TRAPPC14: variants seen among roughly 807,000 people sequenced by gnomAD.
TRAPPC14 encodes the protein trafficking protein particle complex subunit 14.
A neutral mutation model predicts 56.6 loss-of-function variants in TRAPPC14; 24 were observed. The observed-to-expected ratio is 0.42, with a 90% CI of 0.31 to 0.60. The LOEUF is 0.60. Among genes scored for constraint, TRAPPC14 ranks in the 20% least tolerant of loss-of-function variants. The pLI is 0.14. For missense variants in TRAPPC14, 615 were observed against 790.3 expected (o/e 0.78, Z 2.66); for synonymous variants, 377 against 347.0 (o/e 1.09, Z -0.96).
At position 100,154,997 on chromosome 7, in the gene TRAPPC14, G is replaced by A; in HGVS notation, c.*14C>T. On this transcript the variant is annotated 3_prime_UTR_variant, in exon 11 of 11. Coordinates refer to ENST00000316937, the MANE Select transcript of TRAPPC14 (RefSeq NM_018275.5). ...GGTCTCTGGAGTGTAAGAGGGAACA[G>A]AGCTGGCACGGTGCTACTTGACGGG... 6.2e-7 allele frequency: 1 copy of A among 1,614,058 alleles called. No homozygotes were observed. The highest frequency in any genetic ancestry group is 8.5e-7 in the Non-Finnish European group (1 of 1,179,898).
rs1798894984 is a variant in TRAPPC14 at position 100,157,003 on chromosome 7, A to G, written c.846-11T>C. The G allele has an allele frequency of 6.2e-7, 1 of 1,614,040 alleles. No individual in the cohort carries two copies. The highest frequency in any genetic ancestry group is 8.5e-7 in the Non-Finnish European group (1 of 1,179,974). On this transcript the variant is annotated splice_polypyrimidine_tract_variant and intron_variant, in intron 5 of 10. Coordinates refer to ENST00000316937, the MANE Select transcript of TRAPPC14 (RefSeq NM_018275.5). ...TCCCCAGACTGGTGACTAGCTCAGAAAAGAGGACAAGGCATGGTCTCCCCA... is the reference window on the plus strand; with the variant it reads ...TCCCCAGACTGGTGACTAGCTCAGAGAAGAGGACAAGGCATGGTCTCCCCA...
Position 100,158,554 on chromosome 7 carries a change from G to T in TRAPPC14, c.-55C>A. The T allele has an allele frequency of 7.7e-7, 1 of 1,307,126 alleles. No homozygotes were observed. Among genetic ancestry groups the T allele is most frequent in the South Asian group, 2.2e-5 (1 of 45,068 alleles). The allele number at this position is 1,307,126 out of a possible 1,614,324, so 81.0% of individuals were successfully genotyped here. ...CCGGACCGGAGGCCGACCGCCGGCG[G>T]GGCCCGCTAGGGTGGGTCCAGAGGG... On this transcript the variant is annotated 5_prime_UTR_variant, in exon 1 of 11. Coordinates refer to ENST00000316937, the MANE Select transcript of TRAPPC14 (RefSeq NM_018275.5).
rs781542777 is a variant in TRAPPC14 at position 100,157,076 on chromosome 7, C to T, written c.845+18G>A. ...CCATCCCCACCACTTCACAGCCTCG[C>T]CCCTCCCAGGACCTCACCAGACATT... On this transcript the variant is annotated intron_variant, in intron 5 of 10. Transcript: ENST00000316937. 2 of 1,613,968 alleles carry T rather than the reference C, an allele frequency of 1.2e-6. No individual in the cohort carries two copies. The highest frequency in any genetic ancestry group is 2.7e-5 in the African/African-American group (2 of 74,930).
chr7:100,157,133 A>G lies in TRAPPC14; in HGVS notation c.806T>C (p.Val269Ala), dbSNP rs763638084. ...CAGCAGCACAGAGCCATCGGGCATG[A>G]CAGGTAGATAACTGGCGTTGAAGTT... Reference protein sequence around the residue: ...LPNFNASYLPVMPDGSVLLVD... With the variant: ...LPNFNASYLPAMPDGSVLLVD... Residue 269 changes from valine to alanine, a missense_variant, in exon 5 of 11, where the codon GTC becomes GCC. By Grantham distance (64) the Val-to-Ala change is moderately conservative. Transcript: ENST00000316937. The G allele has an allele frequency of 6.2e-7, 1 of 1,614,198 alleles. No homozygotes were observed. The highest frequency in any genetic ancestry group is 1.7e-5 in the Admixed American group (1 of 60,016).
At position 100,155,144 on chromosome 7, in the gene TRAPPC14, C is replaced by T. The variant is rs199570229; in HGVS notation, c.1610G>A (p.Arg537His). 1.1e-5 allele frequency: 18 copies of T among 1,611,752 alleles called. No homozygotes were observed. The highest frequency in any genetic ancestry group is 2.2e-5 in the East Asian group (1 of 44,884). ...HLMRSGSVME[R>H]RAITPPVASP... ...GGCCACAGGGGGCGTGATGGCTCTG[C>T]GCTCCATCACACTGCCCGACCTGGG... Residue 537 changes from arginine (R) to histidine (H), a missense_variant, in exon 11 of 11, where the codon CGC becomes CAC. Transcript: ENST00000316937.
chr7:100,156,345 C>A (rs1018117011), intron 8 of TRAPPC14, 41 bp downstream of exon 8: 2 of 1,604,272 alleles, frequency 1.2e-6, no homozygotes, highest in Admixed American at 1.7e-5. Flanking sequence ...CTTTCTCTTC[C>A]CCTCCCTGGG....
Position 100,157,683 on chromosome 7 carries a change from C to G in TRAPPC14, c.587G>C (p.Arg196Pro). Residue 196 changes from arginine (R) to proline (P), a missense_variant, in exon 3 of 11, where the codon CGA becomes CCA. Physicochemically the swap from Arg to Pro is moderately radical, Grantham distance 103. Coordinates refer to ENST00000316937, the MANE Select transcript of TRAPPC14 (RefSeq NM_018275.5). ...GCCCCGGAATGTCTCCCCAGGAGAT[C>G]GGGTCTGCAGCAATCGCAGGTAGCC... ...DQGYLRLLQT[R>P]SPGETFRGEQ... 1 of 1,614,216 alleles carries G rather than the reference C, an allele frequency of 6.2e-7. No individual in the cohort carries two copies. Among genetic ancestry groups the G allele is most frequent in the East Asian group, 2.2e-5 (1 of 44,886 alleles).
Position 100,156,429 on chromosome 7 carries a change from GA to G in TRAPPC14, c.1196del (p.Phe399SerfsTer4). 1 of 1,614,202 alleles carries G rather than the reference GA, an allele frequency of 6.2e-7. No homozygotes were observed. The highest frequency in any genetic ancestry group is 8.5e-7 in the Non-Finnish European group (1 of 1,180,030). On this transcript the variant is annotated frameshift_variant, in exon 8 of 11. Coordinates refer to ENST00000316937, the MANE Select transcript of TRAPPC14 (RefSeq NM_018275.5). LOFTEE classifies it high-confidence loss of function. ...GGGTCCACACGAGCCTCACAGCAAGGAAGTCTTGGAGATTGTTAAGCAGCGT... is the reference window on the plus strand; with the variant it reads ...GGGTCCACACGAGCCTCACAGCAAGGAGTCTTGGAGATTGTTAAGCAGCGT... ...TYTLLNNLQDFLAVRLVWTPE... is the reference protein window; with the variant it reads ...TYTLLNNLQDXLAVRLVWTPE...
Position 100,155,414 on chromosome 7 carries a change from G to A in TRAPPC14, c.1437C>T (p.Ser479=), listed in dbSNP as rs980701374. ...GGGCCTCGGGTGGAGGGTGGGACAC[G>A]CTGGCGGTGAACTGCAGCTTCAGTT... is the stretch of plus-strand genomic sequence containing the variant. The part of the protein sequence containing the change: ...HMKLKLQFTA[S]VSHPPPEARP... The change falls in exon 10 of 11, where the codon AGC becomes AGT. Residue 479 remains serine (S), a synonymous_variant. Coordinates refer to ENST00000316937, the MANE Select transcript of TRAPPC14 (RefSeq NM_018275.5). 9.7e-6 allele frequency: 15 copies of A among 1,538,548 alleles called. No homozygotes were observed. Among genetic ancestry groups the A allele is most frequent in the East Asian group, 2.4e-5 (1 of 40,926 alleles).
In TRAPPC14 at chr7:100,156,967, C is replaced by T; in HGVS notation, c.871G>A (p.Gly291Ser). 2 of 1,613,982 alleles carry T rather than the reference C, an allele frequency of 1.2e-6. No homozygotes were observed. The highest frequency in any genetic ancestry group is 1.7e-6 in the Non-Finnish European group (2 of 1,180,004). ...VCHQSGEVSM[G>S]SFCRLPGTSG... ...GTCCCGGGTAGGCGGCAGAAGGAGC[C>T]CATGGAGACTTCCCCAGACTGGTGA... The change falls in exon 6 of 11, where the codon GGC becomes AGC. Residue 291 changes from glycine (G) to serine (S), a missense_variant. Physicochemically the swap from Gly to Ser is moderately conservative, Grantham distance 56 (BLOSUM62 0). Coordinates refer to ENST00000316937, the MANE Select transcript of TRAPPC14 (RefSeq NM_018275.5).
In TRAPPC14 at chr7:100,154,429, C is replaced by T. The variant is rs1359089531; in HGVS notation, c.*582G>A. 1 of 184,728 alleles carries T rather than the reference C, an allele frequency of 5.4e-6. No homozygotes were observed. Among genetic ancestry groups the T allele is most frequent in the Non-Finnish European group, 1.2e-5 (1 of 86,732 alleles). 11.4% of individuals were successfully genotyped at this position (184,728 alleles called of 1,614,324 possible). ...CACAAACTAGTCATCCTTCTCCCTCCTGAACAGGCATTTAATAGTCTTATT... is the reference window on the plus strand; with the variant it reads ...CACAAACTAGTCATCCTTCTCCCTCTTGAACAGGCATTTAATAGTCTTATT... On this transcript the variant is annotated 3_prime_UTR_variant, in exon 11 of 11. Coordinates refer to ENST00000316937, the MANE Select transcript of TRAPPC14 (RefSeq NM_018275.5).
Position 100,158,185 on chromosome 7 carries a change from T to G in TRAPPC14, c.315A>C (p.Pro105=). 1 of 1,454,836 alleles carries G rather than the reference T, an allele frequency of 6.9e-7. No individual in the cohort carries two copies. Among genetic ancestry groups the G allele is most frequent in the East Asian group, 2.7e-5 (1 of 36,894 alleles). 90.1% of individuals were successfully genotyped at this position (1,454,836 alleles called of 1,614,324 possible). ...CCCCACCCCCAGGATCCCCTCCCCC[T>G]GGGGGCTCCGAATCCTGGTCGCCGG... is the stretch of plus-strand genomic sequence containing the variant. ...GGAGDQDSEP[P]GGGDPGGGGL... is the part of the protein sequence containing the mutation. Residue 105 remains proline (P), a synonymous_variant, in exon 1 of 11, where the codon CCA becomes CCC. Coordinates refer to ENST00000316937, the MANE Select transcript of TRAPPC14 (RefSeq NM_018275.5).
At position 100,158,477 on chromosome 7, in the gene TRAPPC14, G is replaced by A. The variant is rs1196688962; in HGVS notation, c.23C>T (p.Ser8Leu). The A allele has an allele frequency of 7.3e-7, 1 of 1,362,552 alleles. No homozygotes were observed. 84.4% of individuals were successfully genotyped at this position (1,362,552 alleles called of 1,614,324 possible). A position where few individuals can be genotyped will look rare whatever the true frequency, so the allele number is the denominator to read the frequency against. The change falls in exon 1 of 11, where the codon TCG becomes TTG. Residue 8 changes from serine to leucine, a missense_variant. Transcript: ENST00000316937. MESQCDY[S>L]MYFPAVPLPP... Reference sequence around the variant, plus strand: ...CAGCGGCACGGCCGGGAAGTACATCGAGTAGTCGCACTGGGACTCCATGGG... The same window carrying A: ...CAGCGGCACGGCCGGGAAGTACATCAAGTAGTCGCACTGGGACTCCATGGG...
rs1360548567 is a variant in TRAPPC14 at position 100,155,143 on chromosome 7, G to A, written c.1611C>T (p.Arg537=). ...AGGCCACAGGGGGCGTGATGGCTCT[G>A]CGCTCCATCACACTGCCCGACCTGG... ...HLMRSGSVME[R]RAITPPVASP... Residue 537 remains arginine (R), a synonymous_variant, in exon 11 of 11, where the codon CGC becomes CGT. Transcript: ENST00000316937. 1.9e-5 allele frequency: 30 copies of A among 1,612,430 alleles called. No individual in the cohort carries two copies. In the East Asian group the frequency reaches 6.7e-4, roughly 36 times the overall value.
rs564676433 is a variant in TRAPPC14, at chr7:100,157,074, C to T, written c.845+20G>A. ...AGCCATCCCCACCACTTCACAGCCT[C>T]GCCCCTCCCAGGACCTCACCAGACA... On this transcript the variant is annotated intron_variant, in intron 5 of 10. Coordinates refer to ENST00000316937, the MANE Select transcript of TRAPPC14 (RefSeq NM_018275.5). 1.8e-5 allele frequency: 29 copies of T among 1,614,028 alleles called. No homozygotes were observed. The highest frequency in any genetic ancestry group is 6.7e-5 in the East Asian group (3 of 44,886).
Position 100,155,065 on chromosome 7 carries a change from C to G in TRAPPC14, c.1689G>C (p.Leu563=), listed in dbSNP as rs770588476. 12 of 1,613,976 alleles carry G rather than the reference C, an allele frequency of 7.4e-6. No individual in the cohort carries two copies. Among genetic ancestry groups the G allele is most frequent in the Non-Finnish European group, 8.5e-6 (10 of 1,179,980 alleles). The change falls in exon 11 of 11, where the codon CTG becomes CTC. Residue 563 remains leucine, a synonymous_variant. Coordinates refer to ENST00000316937, the MANE Select transcript of TRAPPC14 (RefSeq NM_018275.5). ...YLPPDKAVLS[L]DKIAKRECKV... is the part of the protein sequence containing the mutation. ...TGCACTCGCGCTTGGCAATCTTGTC[C>G]AGAGACAACACAGCCTTGTCCGGGG...
At position 100,156,204 on chromosome 7, in the gene TRAPPC14, A is replaced by C. The variant is rs1798877075; in HGVS notation, c.1240+182T>G. On this transcript the variant is annotated intron_variant, in intron 8 of 10. Coordinates refer to ENST00000316937, the MANE Select transcript of TRAPPC14 (RefSeq NM_018275.5). Reference sequence around the variant, plus strand: ...AGTCACTCTGCCCCACTGCCTCTCTAAACTCTCCATCTAGGACACTGGGGA... The same window carrying C: ...AGTCACTCTGCCCCACTGCCTCTCTCAACTCTCCATCTAGGACACTGGGGA... 3 of 633,514 alleles carry C rather than the reference A, an allele frequency of 4.7e-6. No individual in the cohort carries two copies. The South Asian group carries it at 5.7e-5, about 12-fold the overall frequency. The allele number at this position is 633,514 out of a possible 1,614,324, so 39.2% of individuals were successfully genotyped here.
intron 8 of TRAPPC14, chr7:100,156,027 T>C (rs2116959076): frequency 1.3e-6 from 1 of 760,454 alleles, no homozygotes; most frequent in Non-Finnish European, 2.3e-6. Flanking sequence ...AGTATCTGCA[T>C]GACAGCCCCA....
rs1459474598 is a variant in TRAPPC14 at position 100,158,127 on chromosome 7, G to A, written c.373C>T (p.His125Tyr). 1 of 1,495,696 alleles carries A rather than the reference G, an allele frequency of 6.7e-7. No homozygotes were observed. Among genetic ancestry groups the A allele is most frequent in the Non-Finnish European group, 8.9e-7 (1 of 1,127,678 alleles). The allele number at this position is 1,495,696 out of a possible 1,614,324, so 92.7% of individuals were successfully genotyped here. The change falls in exon 1 of 11, where the codon CAC (histidine) becomes TAC (tyrosine). Residue 125 changes from histidine to tyrosine, a missense_variant. His to Tyr is a moderately conservative substitution (Grantham distance 83, BLOSUM62 2). Coordinates refer to ENST00000316937, the MANE Select transcript of TRAPPC14 (RefSeq NM_018275.5). ...LFRGCSPLLT[H>Y]GPGPATSGGA... is the part of the protein sequence containing the mutation. ...CCTGAGGTAGCAGGGCCCGGGCCGTGGGTGAGAAGGGGGCTGCAGCCTCGG... is the reference window on the plus strand; with the variant it reads ...CCTGAGGTAGCAGGGCCCGGGCCGTAGGTGAGAAGGGGGCTGCAGCCTCGG...
Sources: allele counts gnomAD v4.1 joint callset, GRCh38; gene constraint gnomAD v4.1.1; transcripts MANE v1.5; gene names NCBI Gene and HGNC (gene_info 2026-07-23, HGNC 2026-07-21).